TXLNB: variants seen among roughly 807,000 people sequenced by gnomAD.
The protein encoded by TXLNB is taxilin beta.
TXLNB carries 37 observed loss-of-function variants against 57.4 expected under a neutral mutation model. That is an observed-to-expected ratio of 0.64 (90% CI 0.50 to 0.85). The LOEUF is 0.85. TXLNB is among the 40% of genes least tolerant of loss of function. The probability of loss-of-function intolerance (pLI) is 0.00; values close to 1 mark genes in which losing one functional copy is unlikely to be tolerated. For synonymous variants in TXLNB, 302 were observed against 309.6 expected, an observed-to-expected ratio of 0.98 and a Z score of 0.26; for missense variants, 848 against 825.6, an observed-to-expected ratio of 1.03 and a Z score of -0.33.
At chr6:139,194,564 C>A in the TXLNB span, among the ~76,000 whole-genome samples, 3 of 152,134 alleles carry the variant, frequency 2.0e-5, no homozygotes, top group Admixed American at 1.3e-4. Flanking sequence ...TCAATTCAGT[C>A]ACCAAAATAT....
the TXLNB span, among the ~76,000 whole-genome samples, chr6:139,211,572 C>T: frequency 1.3e-3 from 199 of 152,262 alleles, no homozygotes; most frequent in African/African-American, 4.6e-3. Context: ...AATCAGAGCG[C>T]CTCTCCTCCT....
At chr6:139,163,310 C>T in the TXLNB span, among the ~76,000 whole-genome samples, 5 of 151,478 alleles carry the variant, frequency 3.3e-5, no homozygotes, top group East Asian at 5.9e-4. Flanking sequence ...GGAGAAGCAC[C>T]GATGTTACCT....
At position 139,262,587 on chromosome 6, in the gene TXLNB, T is replaced by C. The variant is rs772409383; in HGVS notation, c.874A>G (p.Arg292Gly). The change falls in exon 5 of 10, where the codon AGA becomes GGA. Residue 292 changes from arginine (R) to glycine (G), a missense_variant. Physicochemically the swap from Arg to Gly is moderately radical, Grantham distance 125. Coordinates refer to ENST00000358430, the MANE Select transcript of TXLNB (RefSeq NM_153235.4). ...LKSIIDQYEL[R>G]EEHLDKIFKH... Reference sequence around the variant, plus strand: ...TTTGATGTGGTTCTCACCTCCTCTCTGAGCTCATACTGATCGATGATGCTT... The same window carrying C: ...TTTGATGTGGTTCTCACCTCCTCTCCGAGCTCATACTGATCGATGATGCTT... The C allele has an allele frequency of 1.8e-5, 29 of 1,612,854 alleles. No homozygotes were observed. The highest frequency in any genetic ancestry group is 2.1e-5 in the Non-Finnish European group (25 of 1,179,458).
the TXLNB span, chr6:139,177,624 G>A: frequency 6.5e-6 from 1 of 152,682 alleles, no homozygotes; most frequent in African/African-American, 2.4e-5. This position sits in a 1 kb window ranked among gnomAD's most constrained non-coding sequence, Gnocchi z 4.9. Flanking sequence ...CACACTGACA[G>A]GTGACCTGAA....
At chr6:139,204,041 CA>C in the TXLNB span, among the ~76,000 whole-genome samples, 2 of 149,900 alleles carry the variant, frequency 1.3e-5, no homozygotes, top group Non-Finnish European at 3.0e-5. Flanking sequence ...ATGAAGTTTC[CA>C]TTAATGTCCT....
chr6:139,225,935 C>T, the TXLNB span, among the ~76,000 whole-genome samples: 1 of 152,056 alleles, frequency 6.6e-6, no homozygotes, highest in African/African-American at 2.4e-5. Context: ...TATGAAGCTA[C>T]AGTAATTAAA....
the TXLNB span, among the ~76,000 whole-genome samples, chr6:139,192,381 C>G: frequency 6.6e-6 from 1 of 152,184 alleles, no homozygotes; most frequent in African/African-American, 2.4e-5. Context: ...AAATTGCAAC[C>G]CTTTGGGCTC....
the TXLNB span, among the ~76,000 whole-genome samples, chr6:139,220,191 GCTGT>G: frequency 1.1e-3 from 171 of 152,300 alleles, 1 homozygote; most frequent in African/African-American, 3.7e-3. Flanking sequence ...TGAGAAGATG[GCTGT>G]CTATGAAGAA....
At chr6:139,306,732 G>A in the TXLNB span, among the ~76,000 whole-genome samples, 3 of 152,196 alleles carry the variant, frequency 2.0e-5, no homozygotes, top group Non-Finnish European at 4.4e-5. Context: ...GCAGAAGCTA[G>A]CACAGCATGT....
intron 3 of TXLNB, 80 bp from the exon 4 acceptor site, chr6:139,270,706 AT>A: frequency 1.6e-6 from 2 of 1,278,936 alleles, no homozygotes; most frequent in Non-Finnish European, 2.2e-6. Flanking sequence ...AAACCTAAAG[AT>A]TACTCTGTGG....
chr6:139,254,644 C>T (rs1435065222), intron 7 of TXLNB, among the ~76,000 whole-genome samples: 1 of 152,072 alleles, frequency 6.6e-6, no homozygotes, highest in African/African-American at 2.4e-5. Flanking sequence ...AATGGTCCCC[C>T]CTTTTTTTGA....
intron 7 of TXLNB, among the ~76,000 whole-genome samples, chr6:139,252,724 G>C (rs1019431689): frequency 1.4e-4 from 21 of 152,348 alleles, no homozygotes; most frequent in Admixed American, 3.3e-4. Context: ...GGGCGCAGTG[G>C]CTCACGCCTG....
At chr6:139,173,267 A>T in the TXLNB span, among the ~76,000 whole-genome samples, 2 of 152,182 alleles carry the variant, frequency 1.3e-5, no homozygotes, top group Non-Finnish European at 2.9e-5. Flanking sequence ...AACATGCCCC[A>T]TCCATTTACC....
chr6:139,266,863 A>G (rs1031967218), intron 4 of TXLNB, among the ~76,000 whole-genome samples: 3 of 152,008 alleles, frequency 2.0e-5, no homozygotes, highest in African/African-American at 4.8e-5. Context: ...GGCAGAGAAA[A>G]AGGACATATC....
At chr6:139,293,289 G>A (rs546554824), upstream of TXLNB, among the ~76,000 whole-genome samples, 28 of 152,080 alleles carry the variant, frequency 1.8e-4, no homozygotes, top group Admixed American at 1.4e-3. Context: ...ACGGGGTTTC[G>A]CTGTGTTGGC....
the TXLNB span, among the ~76,000 whole-genome samples, chr6:139,186,443 C>T: frequency 6.6e-6 from 1 of 152,106 alleles, no homozygotes; most frequent in Non-Finnish European, 1.5e-5. Context: ...CAAATTAAAA[C>T]CACAATGAGG....
the TXLNB span, among the ~76,000 whole-genome samples, chr6:139,323,694 A>C: frequency 1.3e-5 from 2 of 152,168 alleles, no homozygotes; most frequent in South Asian, 4.1e-4. Flanking sequence ...CTCTCTGTAC[A>C]TCTGCTGCAT....
At chr6:139,274,114 G>T (rs1368846547) in intron 3 of TXLNB, among the ~76,000 whole-genome samples, 1 of 152,144 alleles carries the variant, frequency 6.6e-6, no homozygotes, top group Non-Finnish European at 1.5e-5. Flanking sequence ...CATAAGAATT[G>T]AGGAAATTAA....
chr6:139,214,230 T>C, the TXLNB span, among the ~76,000 whole-genome samples: 5 of 152,178 alleles, frequency 3.3e-5, no homozygotes, highest in African/African-American at 1.2e-4. Flanking sequence ...AAATCCTCAA[T>C]AAAACACTGG....
Sources: gnomAD v4.1 joint callset for allele counts (sites outside exome capture counted in the v4.1 genomes callset) on GRCh38, gnomAD v4.1.1 for gene constraint, Gnocchi (gnomAD v3.1) non-coding constraint, MANE v1.5 for transcripts, NCBI Gene and HGNC (gene_info 2026-07-23, HGNC 2026-07-21) for gene names.